The following KIF27 variants were observed in gnomAD, a reference collection of about 807,000 sequenced individuals.
KIF27 encodes the protein kinesin-like protein KIF27.
KIF27 carries 84 observed loss-of-function variants against 141.8 expected under a neutral mutation model. That is an observed-to-expected ratio of 0.59 (90% CI 0.50 to 0.71). KIF27 has a LOEUF of 0.71. Ranked by LOEUF, KIF27 falls within the 30% of genes least tolerant of loss-of-function variation. KIF27 has a pLI of 0.00. For missense variants in KIF27, 1,306 were observed against 1,628.4 expected, an observed-to-expected ratio of 0.80 and a Z score of 3.41; for synonymous variants, 471 against 569.5, an observed-to-expected ratio of 0.83 and a Z score of 2.46.
At chr9:83,872,448 C>T (rs1193048533) in intron 11 of KIF27, among the ~76,000 whole-genome samples, 2 of 152,208 alleles carry the variant, frequency 1.3e-5, no homozygotes, top group African/African-American at 2.4e-5. Context: ...TTCACATACT[C>T]TCTGTTACTG....
At position 83,836,878 on chromosome 9, in the gene KIF27, G is replaced by C. The variant is rs1263075034; in HGVS notation, c.*123C>G. 6.9e-7 allele frequency: 1 copy of C among 1,445,596 alleles called. No individual in the cohort carries two copies. Among genetic ancestry groups the C allele is most frequent in the Admixed American group, 2.5e-5 (1 of 39,330 alleles). 89.5% of individuals were successfully genotyped at this position (1,445,596 alleles called of 1,614,324 possible). A position where few individuals can be genotyped will look rare whatever the true frequency, so the allele number is the denominator to read the frequency against. ...ATCTATAGCATATAAAAGAATTAGG[G>C]ATTCCTTCCTCCCCTTCTTCCTTTA... On this transcript the variant is annotated 3_prime_UTR_variant, in exon 18 of 18. Transcript: ENST00000297814.
At chr9:83,885,312 C>T (rs1418758639) in intron 9 of KIF27, among the ~76,000 whole-genome samples, 4 of 152,044 alleles carry the variant, frequency 2.6e-5, no homozygotes, top group Non-Finnish European at 4.4e-5. Flanking sequence ...AGGCTGGTCT[C>T]GAACTCCTGA....
rs181135051 is a variant in KIF27 at position 83,914,739 on chromosome 9, C to T, written c.298+555G>A. Among the ~76,000 whole-genome samples the T allele has an allele frequency of 3.1e-3, 477 of 152,188 alleles. 8 individuals carry two copies. Among genetic ancestry groups the T allele is most frequent in the African/African-American group, 0.011 (455 of 41,556 alleles). The stretch of plus-strand genomic sequence containing the variant: ...GCTGTCAATTCCCCCACTCTATTAC[C>T]AGACACTTAACTAAAATGATTTCCA... On this transcript the variant is annotated intron_variant, in intron 2 of 17. Coordinates refer to ENST00000297814, the MANE Select transcript of KIF27 (RefSeq NM_017576.4).
intron 16 of KIF27, among the ~76,000 whole-genome samples, chr9:83,848,185 GATATATATGATATATCAGATATGAT>G (rs1947794079): frequency 1.8e-4 from 5 of 28,182 alleles, no homozygotes; most frequent in East Asian, 1.3e-3. Context: ...TATCATATAT[GATATATATGATATATCAGATATGAT>G]ATATATGATA....
chr9:83,910,781 G>T (rs1955073570), intron 2 of KIF27, among the ~76,000 whole-genome samples: 1 of 152,150 alleles, frequency 6.6e-6, no homozygotes. Flanking sequence ...ATTTATTTCT[G>T]CTCCCACTTG....
chr9:83,879,033 C>T (rs1951455342), intron 11 of KIF27, among the ~76,000 whole-genome samples: 3 of 150,738 alleles, frequency 2.0e-5, no homozygotes, highest in Admixed American at 2.0e-4. Context: ...ACAAAATTAG[C>T]CGGGCGTGGT....
intron 4 of KIF27, among the ~76,000 whole-genome samples, chr9:83,900,042 C>A (rs1210040146): frequency 6.6e-6 from 1 of 152,128 alleles, no homozygotes; most frequent in Non-Finnish European, 1.5e-5. Context: ...ATTTTTACTT[C>A]CTGTATATAA....
chr9:83,891,491 A>G lies in KIF27; in HGVS notation c.1613T>C (p.Ile538Thr). 3.1e-6 allele frequency: 5 copies of G among 1,610,044 alleles called. No homozygotes were observed. In the South Asian group the frequency reaches 5.5e-5, roughly 18 times the overall value. The change falls in exon 6 of 18, where the codon ATA becomes ACA. Residue 538 changes from isoleucine (I) to threonine (T), a missense_variant. Transcript: ENST00000297814. ...ATCCACAAGAAGTTGTTGTTCTATT[A>G]TTTTTTCATTCTTTGTAGAAGAGAG... is the stretch of plus-strand genomic sequence containing the variant. ...QKVNRLQNEK[I>T]IEQQLLVDQL...
chr9:83,850,732 C>G (rs923673629), intron 15 of KIF27, among the ~76,000 whole-genome samples: 3 of 149,128 alleles, frequency 2.0e-5, no homozygotes, highest in African/African-American at 7.4e-5. Flanking sequence ...GCAGTGGAGC[C>G]AAGATCGCCC....
At chr9:83,913,021 C>T (rs993714271) in intron 2 of KIF27, among the ~76,000 whole-genome samples, 6 of 151,058 alleles carry the variant, frequency 4.0e-5, no homozygotes, top group African/African-American at 9.7e-5. Flanking sequence ...AAAAATTAGT[C>T]GGGAGTGGTG....
rs1954161947 is a variant in KIF27 at position 83,903,564 on chromosome 9, G to A, written c.954C>T (p.Val318=). 3 of 1,614,032 alleles carry A rather than the reference G, an allele frequency of 1.9e-6. No homozygotes were observed. The highest frequency in any genetic ancestry group is 1.1e-5 in the South Asian group (1 of 91,080). The change falls in exon 4 of 18, where the codon GTC becomes GTT. Residue 318 remains valine (V), a synonymous_variant. Transcript: ENST00000297814. ...CATCAAAATTCGAGGAGGAGGGGCT[G>A]ACACATGTGATCATGACAGTCTTAG... ...GSAKTVMITC[V]SPSSSNFDES...
chr9:83,902,087 G>A (rs1387822109), intron 4 of KIF27, among the ~76,000 whole-genome samples: 1 of 152,086 alleles, frequency 6.6e-6, no homozygotes, highest in African/African-American at 2.4e-5. Context: ...TGATCAAAAA[G>A]TTTGAGAACT....
At chr9:83,896,835 A>G (rs1219502672) in intron 5 of KIF27, among the ~76,000 whole-genome samples, 1 of 152,242 alleles carries the variant, frequency 6.6e-6, no homozygotes, top group Non-Finnish European at 1.5e-5. Flanking sequence ...CACTTACTGT[A>G]TGATTCCAGT....
intron 14 of KIF27, chr9:83,858,895 C>T (rs1949565167): frequency 6.3e-6 from 3 of 477,278 alleles, no homozygotes; most frequent in East Asian, 3.7e-5. Context: ...GGCAAATATA[C>T]TCAAGGAAAG....
At chr9:83,869,196 G>A (rs1950581332) in intron 12 of KIF27, among the ~76,000 whole-genome samples, 1 of 152,006 alleles carries the variant, frequency 6.6e-6, no homozygotes, top group Non-Finnish European at 1.5e-5. Flanking sequence ...AAAATGTAAT[G>A]TAAAATTTAT....
chr9:83,865,239 CCTA>C (rs1950262864), intron 13 of KIF27, among the ~76,000 whole-genome samples: 1 of 152,108 alleles, frequency 6.6e-6, no homozygotes. Flanking sequence ...ATGTTTTGCT[CCTA>C]CTTTCTATTA....
At chr9:83,919,766 G>A (rs1235941338) in intron 1 of KIF27, among the ~76,000 whole-genome samples, 1 of 150,802 alleles carries the variant, frequency 6.6e-6, no homozygotes, top group Non-Finnish European at 1.5e-5. Flanking sequence ...ATGGTGGCGT[G>A]CGCCTGTAAT....
chr9:83,919,513 A>C (rs535406132), intron 1 of KIF27, among the ~76,000 whole-genome samples: 7 of 152,330 alleles, frequency 4.6e-5, no homozygotes, highest in African/African-American at 1.7e-4. Context: ...GAAGATTACC[A>C]TTAAGTAACA....
chr9:83,895,136 C>T (rs898384181), intron 5 of KIF27, among the ~76,000 whole-genome samples: 5 of 151,206 alleles, frequency 3.3e-5, no homozygotes, highest in African/African-American at 1.2e-4. Context: ...GCGGCGGGCG[C>T]CTGTAGTCCC....
Sources: allele counts gnomAD v4.1 joint callset (sites outside exome capture counted in the v4.1 genomes callset), GRCh38; gene constraint gnomAD v4.1.1; transcripts MANE v1.5; gene names NCBI Gene and HGNC (gene_info 2026-07-23, HGNC 2026-07-21).